Variants in MTM1 observed in about 807,000 individuals in gnomAD.
MTM1 encodes myotubularin 1.
Under a neutral mutation model 52.1 loss-of-function variants are expected in MTM1, and 9 were observed. The observed-to-expected ratio is 0.17, with a 90% confidence interval of 0.10 to 0.30. MTM1 has a LOEUF of 0.30. Ranked by LOEUF, MTM1 falls within the 10% of genes least tolerant of loss-of-function variation. The probability of loss-of-function intolerance (pLI) is 1.00; values close to 1 mark genes in which losing one functional copy is unlikely to be tolerated. For synonymous variants in MTM1, 136 were observed against 163.8 expected, an observed-to-expected ratio of 0.83 and a Z score of 1.29; for missense variants, 277 against 470.7, an observed-to-expected ratio of 0.59 and a Z score of 3.81.
intron 5 of MTM1, among the ~76,000 whole-genome samples, chrX:150,614,916 G>A (rs1254502966): frequency 9.0e-6 from 1 of 111,428 alleles, no homozygotes; most frequent in Non-Finnish European, 1.9e-5. Flanking sequence ...AAGGACTCGA[G>A]GAACTGGTCA....
At chrX:150,565,866 C>T (rs1193910272), upstream of MTM1, among the ~76,000 whole-genome samples, 1 of 111,323 alleles carries the variant, frequency 9.0e-6, no homozygotes, top group South Asian at 3.8e-4. Context: ...AGCCTGAGGT[C>T]GCATCTATTG....
intron 1 of MTM1, among the ~76,000 whole-genome samples, chrX:150,581,954 G>A (rs1489542752): frequency 8.9e-6 from 1 of 112,184 alleles, no homozygotes; most frequent in Admixed American, 9.5e-5. Context: ...GTGATCATTA[G>A]CATAAGCAGA....
chrX:150,634,815 C>T lies in MTM1; in HGVS notation c.445-4128C>T, dbSNP rs781849352. Among the ~76,000 whole-genome samples, 5 of 112,067 alleles carry T rather than the reference C, an allele frequency of 4.5e-5. No homozygotes were observed. The Admixed American group carries it at 4.7e-4, about 11-fold the overall frequency. On this transcript the variant is annotated intron_variant, in intron 6 of 14. Coordinates refer to ENST00000370396, the MANE Select transcript of MTM1 (RefSeq NM_000252.3). The stretch of plus-strand genomic sequence containing the variant: ...TGCTAAAAGTTATACAAGATGTTAA[C>T]ACCTGGAGAGGCTGGCTGAAGATTT...
intron 1 of MTM1, among the ~76,000 whole-genome samples, chrX:150,583,990 AAT>A (rs782387613): frequency 2.6e-3 from 222 of 85,672 alleles, no homozygotes; most frequent in Non-Finnish European, 4.2e-3. Context: ...AAATATATTA[AAT>A]ATATATATTA....
At chrX:150,596,778 G>C (rs781942766) in intron 3 of MTM1, 10 of 383,783 alleles carry the variant, frequency 2.6e-5, no homozygotes, top group Non-Finnish European at 4.1e-5. Context: ...TGATATTCTT[G>C]TGTCTGTACC....
the MTM1 span, among the ~76,000 whole-genome samples, chrX:150,562,931 G>C: frequency 9.0e-6 from 1 of 111,272 alleles, no homozygotes; most frequent in Non-Finnish European, 1.9e-5. Flanking sequence ...AGCTCCCAGA[G>C]AGAAGCTGGG....
chrX:150,573,087 G>A (rs1557411509), intron 1 of MTM1, among the ~76,000 whole-genome samples: 4 of 112,659 alleles, frequency 3.6e-5, no homozygotes, highest in Non-Finnish European at 7.5e-5. Flanking sequence ...TATACACACA[G>A]TAGACATTTA....
At chrX:150,580,205 G>A (rs1206836510) in intron 1 of MTM1, among the ~76,000 whole-genome samples, 5 of 111,751 alleles carry the variant, frequency 4.5e-5, no homozygotes, top group South Asian at 3.7e-4. Flanking sequence ...GTTGAATTAC[G>A]TTAATAGAAG....
rs183051426 is a variant in MTM1, at chrX:150,594,137, T to G, written c.63+1460T>G. On this transcript the variant is annotated intron_variant, in intron 2 of 14. Coordinates refer to ENST00000370396, the MANE Select transcript of MTM1 (RefSeq NM_000252.3). ...TGTATAATTTTTTTTTGAGACAGAG[T>G]CTAACTCTGTCCCTCAGGCTGGAGT... 3.2e-3 allele frequency among the ~76,000 whole-genome samples: 344 copies of G among 107,689 alleles called. 3 individuals are homozygous for G. Among genetic ancestry groups the G allele is most frequent in the African/African-American group, 0.011 (315 of 29,500 alleles). 93.5% of individuals were successfully genotyped at this position (107,689 alleles called of 115,157 possible). A position where few individuals can be genotyped will look rare whatever the true frequency, so the allele number is the denominator to read the frequency against.
intron 6 of MTM1, 95 bp downstream of exon 6, chrX:150,619,234 G>C: frequency 1.6e-6 from 1 of 640,912 alleles, no homozygotes; most frequent in African/African-American, 2.1e-5. Context: ...TTTAATGTCT[G>C]TGTTGTGTTT....
At position 150,671,411 on chromosome X, in the gene MTM1, T is replaced by G. The variant is rs1557415131; in HGVS notation, c.1645-17T>G. ...TGCGTGGCATAAAGTGTAACTCAAG[T>G]CTCTGGTTCTCTCCAGCAGCCGAAT... On this transcript the variant is annotated splice_polypyrimidine_tract_variant and intron_variant, in intron 14 of 14. Transcript: ENST00000370396. The G allele has an allele frequency of 8.3e-7, 1 of 1,210,849 alleles. No individual in the cohort carries two copies. Among genetic ancestry groups the G allele is most frequent in the Admixed American group, 2.2e-5 (1 of 45,961 alleles).
At chrX:150,614,242 G>A (rs1398262873) in intron 4 of MTM1, among the ~76,000 whole-genome samples, 1 of 112,274 alleles carries the variant, frequency 8.9e-6, no homozygotes, top group African/African-American at 3.2e-5. Context: ...AGCATCTGAA[G>A]AATGAAGAAG....
At chrX:150,622,624 A>G (rs1460195628) in intron 6 of MTM1, among the ~76,000 whole-genome samples, 1 of 112,152 alleles carries the variant, frequency 8.9e-6, no homozygotes, top group Non-Finnish European at 1.9e-5. Context: ...ACTCACAGGA[A>G]GAAGAGACCA....
At chrX:150,608,556 T>C (rs1318318646) in intron 4 of MTM1, among the ~76,000 whole-genome samples, 1 of 111,512 alleles carries the variant, frequency 9.0e-6, no homozygotes, top group African/African-American at 3.3e-5. Flanking sequence ...ATTGTATATA[T>C]CGTGTGCAAC....
intron 1 of MTM1, among the ~76,000 whole-genome samples, chrX:150,578,147 C>G (rs1036427093): frequency 1.8e-5 from 2 of 112,333 alleles, no homozygotes; most frequent in Non-Finnish European, 3.8e-5. Context: ...AAAAGAAGGT[C>G]TGGGTCCTCC....
At chrX:150,598,505 T>C (rs1018513628) in intron 3 of MTM1, 87 bp from the exon 4 acceptor site, 3 of 562,678 alleles carry the variant, frequency 5.3e-6, no homozygotes, top group Non-Finnish European at 3.0e-6. Flanking sequence ...TATTCTTAGC[T>C]GAATAGTTTA....
At chrX:150,564,985 T>C (rs191829049), upstream of MTM1, among the ~76,000 whole-genome samples, 438 of 111,896 alleles carry the variant, frequency 3.9e-3, 2 homozygotes, top group African/African-American at 0.013. Context: ...AAGGAGTTAA[T>C]GAATAAAACC....
In MTM1 at chrX:150,660,398, C is replaced by G; in HGVS notation, c.1381C>G (p.Gln461Glu). Residue 461 changes from glutamine to glutamate, a missense_variant, in exon 13 of 15, where the codon CAA becomes GAA. Around this residue, in one of 4 missense-constraint regions of MTM1, gnomAD observed 59 missense variants for 107.8 expected, o/e 0.55. Coordinates refer to ENST00000370396, the MANE Select transcript of MTM1 (RefSeq NM_000252.3). ...CCCTACAGCTTTTGAATTCAATGAACAATTTTTGATTATAATTTTGGATCA... is the reference window on the plus strand; with the variant it reads ...CCCTACAGCTTTTGAATTCAATGAAGAATTTTTGATTATAATTTTGGATCA... ...QFPTAFEFNE[Q>E]FLIIILDHLY... 1 of 1,197,859 alleles carries G rather than the reference C, an allele frequency of 8.3e-7. No homozygotes were observed. The highest frequency in any genetic ancestry group is 1.1e-6 in the Non-Finnish European group (1 of 883,100).
At chrX:150,647,406 C>G (rs1557414047) in intron 9 of MTM1, among the ~76,000 whole-genome samples, 1 of 110,146 alleles carries the variant, frequency 9.1e-6, no homozygotes, top group Admixed American at 9.7e-5. Context: ...ATTTCTAGTC[C>G]TCTTAGGAGT....
Sources: gnomAD v4.1 joint callset for allele counts (sites outside exome capture counted in the v4.1 genomes callset) on GRCh38, gnomAD v4.1.1 for gene constraint, gnomAD v4.1.1 regional missense constraint, MANE v1.5 for transcripts, NCBI Gene and HGNC (gene_info 2026-07-23, HGNC 2026-07-21) for gene names.